The following SPRED2 variants were observed in gnomAD, a reference collection of about 807,000 sequenced individuals.
The protein encoded by SPRED2 is sprouty-related, EVH1 domain-containing protein 2.
A neutral mutation model predicts 43.0 loss-of-function variants in SPRED2; 47 were observed. The observed-to-expected ratio is 1.09, with a 90% confidence interval of 0.87 to 1.40. SPRED2 has a LOEUF of 1.40. SPRED2 is among the 40% of genes most tolerant of loss of function. The probability of loss-of-function intolerance (pLI) is 0.00; values close to 1 mark genes in which losing one functional copy is unlikely to be tolerated. For missense variants in SPRED2, 561 were observed against 586.4 expected (o/e 0.96, Z 0.45); for synonymous variants, 225 against 225.7 (o/e 1.00, Z 0.03).
At chr2:65,401,622 C>T (rs1364578660) in intron 1 of SPRED2, among the ~76,000 whole-genome samples, 2 of 151,460 alleles carry the variant, frequency 1.3e-5, no homozygotes, top group Non-Finnish European at 2.9e-5. Context: ...GGTGAAACCC[C>T]GTCTCTACTA....
chr2:65,380,437 A>T (rs1675345321), intron 1 of SPRED2, among the ~76,000 whole-genome samples: 1 of 152,020 alleles, frequency 6.6e-6, no homozygotes, highest in South Asian at 2.1e-4. Context: ...GCTGTCTGGA[A>T]CCTTTCTTAT....
At chr2:65,343,099 T>A (rs1381421667) in intron 2 of SPRED2, among the ~76,000 whole-genome samples, 1 of 152,204 alleles carries the variant, frequency 6.6e-6, no homozygotes, top group Non-Finnish European at 1.5e-5. Context: ...CATAATTTCT[T>A]CAATTACAAT....
chr2:65,390,372 A>G (rs911843117), intron 1 of SPRED2, among the ~76,000 whole-genome samples: 1 of 152,190 alleles, frequency 6.6e-6, no homozygotes, highest in Admixed American at 6.5e-5. Context: ...TGTAAGGTCA[A>G]AGGCAGTCCT....
In SPRED2 at chr2:65,316,798, C is replaced by A. The variant is rs201381865; in HGVS notation, c.524G>T (p.Arg175Leu). 6.2e-7 allele frequency: 1 copy of A among 1,613,232 alleles called. No homozygotes were observed. Among genetic ancestry groups the A allele is most frequent in the African/African-American group, 1.3e-5 (1 of 74,892 alleles). Residue 175 changes from arginine to leucine, a missense_variant, in exon 5 of 6, where the codon CGG becomes CTG. Arg to Leu is a moderately radical substitution (Grantham distance 102, BLOSUM62 -2). Transcript: ENST00000356388. ...TISSPTSCEHRRIYTLGHLHD... is the reference protein window; with the variant it reads ...TISSPTSCEHLRIYTLGHLHD... ...GAGGTGGCCCAGGGTATAAATCCTC[C>A]GGTGCTCACAGGATGTGGGAGAGGA...
chr2:65,390,741 C>T (rs976311138), intron 1 of SPRED2, among the ~76,000 whole-genome samples: 2 of 152,302 alleles, frequency 1.3e-5, no homozygotes, highest in East Asian at 1.9e-4. Context: ...TGCACATTTA[C>T]TCTTTCCCTG....
chr2:65,373,076 CTT>C (rs1675167155), intron 1 of SPRED2, among the ~76,000 whole-genome samples: 1 of 152,162 alleles, frequency 6.6e-6, no homozygotes, highest in Non-Finnish European at 1.5e-5. Context: ...TTCAACAATA[CTT>C]TTTAATCATT....
chr2:65,402,852 G>A (rs1014575287), intron 1 of SPRED2, among the ~76,000 whole-genome samples: 5 of 152,160 alleles, frequency 3.3e-5, no homozygotes, highest in African/African-American at 1.2e-4. Context: ...ATCATAATTA[G>A]GGTTTTAATG....
At chr2:65,344,594 G>T in intron 2 of SPRED2, 125 bp downstream of exon 2, 1 of 1,311,318 alleles carries the variant, frequency 7.6e-7, no homozygotes, top group Non-Finnish European at 1.1e-6. Context: ...AACTTTTGAA[G>T]CTTTTGCAAG....
chr2:65,308,795 T>A (rs1250103822), downstream of SPRED2, among the ~76,000 whole-genome samples: 2 of 152,190 alleles, frequency 1.3e-5, no homozygotes, highest in Admixed American at 6.5e-5. Context: ...TGGAGTTAGG[T>A]GTAGTCGGTC....
At chr2:65,322,286 ATATATATATT>A (rs1385124287) in intron 4 of SPRED2, among the ~76,000 whole-genome samples, 4 of 98,372 alleles carry the variant, frequency 4.1e-5, no homozygotes, top group African/African-American at 1.9e-4. Context: ...ATATATATAT[ATATATATATT>A]TTTTTTTTTT....
intron 2 of SPRED2, chr2:65,344,480 A>G (rs1331482723): frequency 1.6e-6 from 1 of 638,462 alleles, no homozygotes; most frequent in East Asian, 3.2e-5. Flanking sequence ...CAAATAAAAC[A>G]GCCAAATATA....
chr2:65,335,001 C>A (rs1194780946), intron 2 of SPRED2, among the ~76,000 whole-genome samples: 1 of 152,248 alleles, frequency 6.6e-6, no homozygotes, highest in African/African-American at 2.4e-5. Context: ...TCACTACACT[C>A]TCTTCATCAC....
intron 4 of SPRED2, among the ~76,000 whole-genome samples, chr2:65,327,656 A>G (rs1191748995): frequency 6.6e-6 from 1 of 151,178 alleles, no homozygotes; most frequent in Non-Finnish European, 1.5e-5. Context: ...CCCTGGGGTC[A>G]ACCAAAACGT....
chr2:65,355,763 T>A (rs1312209801), intron 1 of SPRED2, among the ~76,000 whole-genome samples: 1 of 152,102 alleles, frequency 6.6e-6, no homozygotes, highest in Non-Finnish European at 1.5e-5. Flanking sequence ...ACTTCTGGAG[T>A]TCATAATTAA....
chr2:65,385,655 C>T (rs1372067166), intron 1 of SPRED2, among the ~76,000 whole-genome samples: 1 of 152,122 alleles, frequency 6.6e-6, no homozygotes, highest in Non-Finnish European at 1.5e-5. Context: ...TACCCACTGC[C>T]ACCAAGAAGT....
chr2:65,394,872 T>C (rs1341037963), intron 1 of SPRED2, among the ~76,000 whole-genome samples: 1 of 152,206 alleles, frequency 6.6e-6, no homozygotes, highest in East Asian at 1.9e-4. Flanking sequence ...AACAACTGCA[T>C]TTTCACATTA....
rs929311140 is a variant in SPRED2, at chr2:65,311,501, C to T, written c.*2000G>A. 5.3e-5 allele frequency: 52 copies of T among 985,784 alleles called. No homozygotes were observed. The South Asian group carries it at 8.5e-4, about 16-fold the overall frequency. 61.1% of individuals were successfully genotyped at this position (985,784 alleles called of 1,614,324 possible). A position where few individuals can be genotyped will look rare whatever the true frequency, so the allele number is the denominator to read the frequency against. ...GCACTTGAACTGAGGTCTAAGGAAACGAACATTAGTGTTGTGCTTTGTAGA... is the reference window on the plus strand; with the variant it reads ...GCACTTGAACTGAGGTCTAAGGAAATGAACATTAGTGTTGTGCTTTGTAGA... On this transcript the variant is annotated 3_prime_UTR_variant, in exon 6 of 6. Coordinates refer to ENST00000356388, the MANE Select transcript of SPRED2 (RefSeq NM_181784.3).
At chr2:65,408,406 A>C (rs566505354) in intron 1 of SPRED2, among the ~76,000 whole-genome samples, 8 of 152,316 alleles carry the variant, frequency 5.3e-5, no homozygotes, top group African/African-American at 1.9e-4. Flanking sequence ...ACTTTGAGGC[A>C]GAAGCTGTTT....
chr2:65,412,223 G>A (rs1676179499), intron 1 of SPRED2, among the ~76,000 whole-genome samples: 1 of 152,136 alleles, frequency 6.6e-6, no homozygotes, highest in Non-Finnish European at 1.5e-5. Context: ...GTGGATGTAG[G>A]CAGAGGAATC....
Sources: allele counts gnomAD v4.1 joint callset (sites outside exome capture counted in the v4.1 genomes callset), GRCh38; gene constraint gnomAD v4.1.1; transcripts MANE v1.5; gene names NCBI Gene and HGNC (gene_info 2026-07-23, HGNC 2026-07-21).